GRAMD2B: variants seen among roughly 807,000 people sequenced by gnomAD.
The protein encoded by GRAMD2B is GRAM domain-containing protein 2B.
In GRAMD2B, 41 loss-of-function variants were observed where a neutral mutation model predicts 59.2. The observed-to-expected ratio is 0.69, with a 90% CI of 0.54 to 0.90. GRAMD2B has a LOEUF of 0.90. Among genes scored for constraint, GRAMD2B ranks in the 40% least tolerant of loss-of-function variants. The probability of loss-of-function intolerance (pLI) is 0.00; values close to 1 mark genes in which losing one functional copy is unlikely to be tolerated. For synonymous variants in GRAMD2B, 161 were observed against 182.7 expected, an observed-to-expected ratio of 0.88 and a Z score of 0.96; for missense variants, 424 against 500.5, an observed-to-expected ratio of 0.85 and a Z score of 1.46.
chr5:126,475,425 T>G (rs1770391260), intron 5 of GRAMD2B, among the ~76,000 whole-genome samples: 2 of 152,230 alleles, frequency 1.3e-5, no homozygotes. Context: ...AGACTCATTT[T>G]TTAAAAATCA....
chr5:126,485,815 C>T, intron 11 of GRAMD2B, 42 bp downstream of exon 11: 1 of 1,222,838 alleles, frequency 8.2e-7, no homozygotes, highest in Non-Finnish European at 1.2e-6. Flanking sequence ...GAAAATGATT[C>T]CATTCGCTAA....
chr5:126,457,191 C>CAAAAAAAA lies in GRAMD2B; in HGVS notation c.84-8212_84-8205dup, dbSNP rs559904336. Among the ~76,000 whole-genome samples the CAAAAAAAA allele has an allele frequency of 8.0e-4, 51 of 63,982 alleles. 1 individual carries two copies. Among genetic ancestry groups the CAAAAAAAA allele is most frequent in the African/African-American group, 2.5e-3 (46 of 18,126 alleles). The allele number at this position is 63,982 out of a possible 152,430, so 42.0% of individuals were successfully genotyped here. On this transcript the variant is annotated intron_variant, in intron 1 of 13. Coordinates refer to ENST00000285689, the MANE Select transcript of GRAMD2B (RefSeq NM_023927.4). ...GAGGCGACAGTGCGAGACTCCGTCT[C>CAAAAAAAA]AAAAAAAAAAAAAAAAAAAAAAAAA...
upstream of GRAMD2B, among the ~76,000 whole-genome samples, chr5:126,422,741 A>G (rs1392210626): frequency 6.6e-6 from 1 of 152,236 alleles, no homozygotes; most frequent in East Asian, 1.9e-4. Flanking sequence ...AAAGGTGGGA[A>G]GAAGAGGCAT....
chr5:126,431,319 G>A (rs1761543139), intron 1 of GRAMD2B, among the ~76,000 whole-genome samples: 1 of 152,056 alleles, frequency 6.6e-6, no homozygotes, highest in Non-Finnish European at 1.5e-5. Flanking sequence ...TAAATGGCAG[G>A]CATTACTCTC....
chr5:126,378,960 G>A (rs1755432647), intron 1 of GRAMD2B, among the ~76,000 whole-genome samples: 1 of 152,066 alleles, frequency 6.6e-6, no homozygotes, highest in Non-Finnish European at 1.5e-5. Context: ...TGGTTACAAT[G>A]ATAAGTTCCT....
intron 1 of GRAMD2B, among the ~76,000 whole-genome samples, chr5:126,383,940 A>G (rs928738774): frequency 3.3e-5 from 5 of 152,176 alleles, no homozygotes; most frequent in African/African-American, 1.2e-4. Flanking sequence ...GACTCATTAT[A>G]TGATTCTGTG....
At chr5:126,462,190 T>A (rs772314596) in intron 1 of GRAMD2B, among the ~76,000 whole-genome samples, 1 of 152,252 alleles carries the variant, frequency 6.6e-6, no homozygotes, top group East Asian at 1.9e-4. Context: ...GGGCTTTGTC[T>A]TCTGGTTAAA....
At chr5:126,366,761 C>T (rs930607460), upstream of GRAMD2B, among the ~76,000 whole-genome samples, 4 of 151,968 alleles carry the variant, frequency 2.6e-5, no homozygotes, top group Non-Finnish European at 5.9e-5. Flanking sequence ...AATTTACACC[C>T]ACACACCGGT....
intron 1 of GRAMD2B, among the ~76,000 whole-genome samples, chr5:126,449,834 T>C (rs1018969213): frequency 1.3e-5 from 2 of 152,212 alleles, no homozygotes; most frequent in Admixed American, 1.3e-4. Context: ...GGGAGAGTCC[T>C]GTGTGTCACA....
At chr5:126,444,971 G>A (rs1763943386) in intron 1 of GRAMD2B, among the ~76,000 whole-genome samples, 1 of 152,156 alleles carries the variant, frequency 6.6e-6, no homozygotes, top group Admixed American at 6.5e-5. Context: ...TCCTGCATTA[G>A]TTGGCCGAGA....
intron 1 of GRAMD2B, among the ~76,000 whole-genome samples, chr5:126,384,908 T>C (rs757837079): frequency 2.0e-5 from 3 of 152,266 alleles, no homozygotes; most frequent in Non-Finnish European, 2.9e-5. Context: ...ACATTCATTA[T>C]ACATTAAATT....
chr5:126,433,309 G>A (rs1424666580), intron 1 of GRAMD2B, among the ~76,000 whole-genome samples: 1 of 152,192 alleles, frequency 6.6e-6, no homozygotes, highest in East Asian at 1.9e-4. Flanking sequence ...CTGTTAAAGT[G>A]TTGAAGCCAA....
chr5:126,363,307 CA>C (rs979068029), intron 1 of GRAMD2B, among the ~76,000 whole-genome samples: 11 of 144,702 alleles, frequency 7.6e-5, no homozygotes, highest in South Asian at 2.2e-4. Context: ...ATATCAAAAA[CA>C]AAAAAAAAAG....
At chr5:126,404,906 TCACATCC>T (rs1758139850) in intron 1 of GRAMD2B, among the ~76,000 whole-genome samples, 1 of 151,812 alleles carries the variant, frequency 6.6e-6, no homozygotes, top group South Asian at 2.1e-4. Context: ...TTTCTACAGG[TCACATCC>T]CATTCTAAAG....
At chr5:126,397,381 C>T (rs1243882572) in intron 1 of GRAMD2B, among the ~76,000 whole-genome samples, 1 of 152,100 alleles carries the variant, frequency 6.6e-6, no homozygotes, top group Non-Finnish European at 1.5e-5. Flanking sequence ...TGCACTACCA[C>T]GCCTGGCTAA....
Position 126,385,008 on chromosome 5 carries a change from C to T in GRAMD2B, c.125+13441C>T, listed in dbSNP as rs74625112. On this transcript the variant is annotated intron_variant, in intron 1 of 8. Transcript: ENST00000506445. The stretch of plus-strand genomic sequence containing the variant: ...ACAGTTCCTGGCATAAAGTAGACAA[C>T]GATAAATGCTAGACGGATGAATACA... Among the ~76,000 whole-genome samples, 27 of 152,320 alleles carry T rather than the reference C, an allele frequency of 1.8e-4. No homozygotes were observed. In the East Asian group the frequency reaches 2.1e-3, roughly 12 times the overall value.
At chr5:126,371,374 A>G (rs746255797) in exon 1 of GRAMD2B, 362 of 1,218,386 alleles carry the variant, frequency 3.0e-4, no homozygotes, top group South Asian at 5.2e-4. Flanking sequence ...AGAGATTTTC[A>G]TATTATTTGG....
At chr5:126,388,484 C>T (rs1310927087) in intron 1 of GRAMD2B, among the ~76,000 whole-genome samples, 2 of 151,860 alleles carry the variant, frequency 1.3e-5, no homozygotes, top group Non-Finnish European at 2.9e-5. Flanking sequence ...ATGTTATTTA[C>T]TAACATGTAG....
intron 13 of GRAMD2B, among the ~76,000 whole-genome samples, chr5:126,490,556 C>T (rs76316282): frequency 0.024 from 3,631 of 152,216 alleles, 155 homozygotes; most frequent in African/African-American, 0.084. Flanking sequence ...GGTCAAAATG[C>T]GCGTGTTGAT....
Sources: gnomAD v4.1 joint callset for allele counts (sites outside exome capture counted in the v4.1 genomes callset) on GRCh38, gnomAD v4.1.1 for gene constraint, MANE v1.5 for transcripts, NCBI Gene and HGNC (gene_info 2026-07-23, HGNC 2026-07-21) for gene names.